The following GTF2E2 variants were observed in gnomAD, a reference collection of about 807,000 sequenced individuals.
GTF2E2 encodes transcription initiation factor IIE subunit beta.
In GTF2E2, 21 loss-of-function variants were observed where a neutral mutation model predicts 40.5. The ratio of observed to expected loss-of-function variants is 0.52; its 90% CI spans 0.37 to 0.75. GTF2E2 has a LOEUF of 0.75. GTF2E2 is among the 30% of genes least tolerant of loss of function. GTF2E2 has a pLI of 0.00. For synonymous variants in GTF2E2, 117 were observed against 121.6 expected, an observed-to-expected ratio of 0.96 and a Z score of 0.25; for missense variants, 298 against 338.4, an observed-to-expected ratio of 0.88 and a Z score of 0.94.
At position 30,612,471 on chromosome 8, in the gene GTF2E2, T is replaced by C. The variant is rs764989549; in HGVS notation, c.377A>G (p.Asn126Ser). ...KQWLMTEALV[N>S]NPKIEVIDGK... ...ATCTATTACTTCAATTTTGGGATTG[T>C]TGACTAAAGCCTGTAACAGTGATAC... Residue 126 changes from asparagine (N) to serine (S), a missense_variant, in exon 5 of 8, where the codon AAC (asparagine) becomes AGC (serine). Asn to Ser is a conservative substitution (Grantham distance 46). Transcript: ENST00000355904. The C allele has an allele frequency of 1.9e-5, 31 of 1,601,402 alleles. No individual in the cohort carries two copies. In the East Asian group the frequency reaches 2.9e-4, roughly 15 times the overall value.
chr8:30,579,668 A>G (rs977957928), intron 7 of GTF2E2, among the ~76,000 whole-genome samples: 1 of 152,184 alleles, frequency 6.6e-6, no homozygotes, highest in African/African-American at 2.4e-5. Context: ...GACGGTGGAT[A>G]AGGAAAGGGG....
intron 6 of GTF2E2, among the ~76,000 whole-genome samples, chr8:30,595,173 A>G (rs1224644546): frequency 6.6e-6 from 1 of 152,210 alleles, no homozygotes; most frequent in East Asian, 1.9e-4. Flanking sequence ...AGCCTAGCTT[A>G]GAGTAAGTCA....
intron 3 of GTF2E2, among the ~76,000 whole-genome samples, chr8:30,621,998 A>G (rs1304041073): frequency 1.3e-5 from 2 of 151,632 alleles, no homozygotes; most frequent in Non-Finnish European, 2.9e-5. Flanking sequence ...TATACTTTAA[A>G]GTTCTAGGGT....
intron 2 of GTF2E2, among the ~76,000 whole-genome samples, chr8:30,650,839 C>T (rs1300523851): frequency 3.3e-5 from 5 of 152,104 alleles, no homozygotes; most frequent in African/African-American, 1.2e-4. Flanking sequence ...CAGTGTAACC[C>T]CATCTCTACT....
chr8:30,613,667 T>C (rs1800807355), intron 4 of GTF2E2, among the ~76,000 whole-genome samples: 1 of 152,268 alleles, frequency 6.6e-6, no homozygotes, highest in Admixed American at 6.5e-5. Flanking sequence ...ACAATTATAC[T>C]GATTAATGGT....
At chr8:30,628,874 T>C (rs1333463389) in intron 3 of GTF2E2, among the ~76,000 whole-genome samples, 1 of 148,954 alleles carries the variant, frequency 6.7e-6, no homozygotes, top group East Asian at 2.0e-4. Flanking sequence ...GAGGTTACGG[T>C]AAGCTGAGAC....
chr8:30,634,339 T>C (rs1801520404), intron 3 of GTF2E2, among the ~76,000 whole-genome samples: 1 of 152,070 alleles, frequency 6.6e-6, no homozygotes, highest in Non-Finnish European at 1.5e-5. Context: ...TCCCAGCTAC[T>C]TGGGAGGCTG....
chr8:30,637,563 G>A (rs1003768163), intron 2 of GTF2E2, among the ~76,000 whole-genome samples: 1 of 151,884 alleles, frequency 6.6e-6, no homozygotes, highest in Admixed American at 6.6e-5. Context: ...TCACTCTGTC[G>A]CCCAGGCTGG....
intron 2 of GTF2E2, among the ~76,000 whole-genome samples, chr8:30,641,641 C>T (rs1801835881): frequency 2.0e-5 from 3 of 152,122 alleles, no homozygotes; most frequent in Admixed American, 1.3e-4. Flanking sequence ...TTTTGGGAAG[C>T]CAAGGTGGGT....
intron 2 of GTF2E2, chr8:30,644,433 T>A (rs2128727677): frequency 6.6e-6 from 1 of 152,312 alleles, no homozygotes; most frequent in South Asian, 2.1e-4. Context: ...AAAATTTTAT[T>A]ATCCTCATTC....
At chr8:30,584,578 C>T (rs1044884198) in intron 6 of GTF2E2, 2 of 152,164 alleles carry the variant, frequency 1.3e-5, no homozygotes, top group African/African-American at 4.8e-5. Context: ...TTTAAAAGCT[C>T]AGATTTGATC....
chr8:30,599,316 C>T (rs1417877464), intron 6 of GTF2E2, among the ~76,000 whole-genome samples: 1 of 152,210 alleles, frequency 6.6e-6, no homozygotes, highest in African/African-American at 2.4e-5. Flanking sequence ...GTGGCTCACG[C>T]CTGTTATCCC....
At chr8:30,584,223 CTTCT>C (rs1276306647) in intron 6 of GTF2E2, among the ~76,000 whole-genome samples, 1 of 140,828 alleles carries the variant, frequency 7.1e-6, no homozygotes, top group Admixed American at 7.1e-5. Context: ...TCCAGTTTTT[CTTCT>C]TTCTCTCACT....
At chr8:30,594,262 T>C (rs556609751) in intron 6 of GTF2E2, among the ~76,000 whole-genome samples, 7 of 151,514 alleles carry the variant, frequency 4.6e-5, no homozygotes, top group Non-Finnish European at 7.4e-5. Flanking sequence ...TGAGTTTCTT[T>C]TTTTTTCTTT....
chr8:30,652,957 A>G (rs1183669214), intron 2 of GTF2E2, among the ~76,000 whole-genome samples: 2 of 152,216 alleles, frequency 1.3e-5, no homozygotes, highest in Non-Finnish European at 2.9e-5. Flanking sequence ...AACAACACAC[A>G]AAAGACCACT....
chr8:30,637,318 C>T (rs1801636928), intron 2 of GTF2E2: 1 of 455,556 alleles, frequency 2.2e-6, no homozygotes, highest in Non-Finnish European at 4.4e-6. Context: ...AAACACCACA[C>T]AAATGGCCAA....
Position 30,580,402 on chromosome 8 carries a change from TCAAA to T in GTF2E2, c.644-10_644-7del, listed in dbSNP as rs769903717. The T allele has an allele frequency of 2.9e-6, 4 of 1,381,992 alleles. No individual in the cohort carries two copies. Among genetic ancestry groups the T allele is most frequent in the Admixed American group, 1.7e-5 (1 of 59,632 alleles). The allele number at this position is 1,381,992 out of a possible 1,614,324, so 85.6% of individuals were successfully genotyped here. ...CCTCCACAGTTTCTGAAATTCTGTA[TCAAA>T]CAGACACTAGTTATTTTACAATCCA... On this transcript the variant is annotated splice_polypyrimidine_tract_variant and splice_region_variant and intron_variant, in intron 6 of 7. Coordinates refer to ENST00000355904, the MANE Select transcript of GTF2E2 (RefSeq NM_002095.6).
intron 2 of GTF2E2, among the ~76,000 whole-genome samples, chr8:30,639,267 T>C (rs1298367784): frequency 6.6e-6 from 1 of 152,218 alleles, no homozygotes; most frequent in African/African-American, 2.4e-5. Flanking sequence ...ACTGAACAGA[T>C]AATTTATACA....
At chr8:30,655,120 G>A (rs762190523) in intron 1 of GTF2E2, among the ~76,000 whole-genome samples, 1 of 151,480 alleles carries the variant, frequency 6.6e-6, no homozygotes, top group Admixed American at 6.6e-5. Context: ...AGAACTGTTT[G>A]AGTCCAGCAG....
Sources: allele counts gnomAD v4.1 joint callset (sites outside exome capture counted in the v4.1 genomes callset), GRCh38; gene constraint gnomAD v4.1.1; transcripts MANE v1.5; gene names NCBI Gene and HGNC (gene_info 2026-07-23, HGNC 2026-07-21).